The following SEC62 variants were observed in gnomAD, a reference collection of about 807,000 sequenced individuals.
SEC62 encodes the protein SEC62 preprotein translocation factor.
Under a neutral mutation model 47.5 loss-of-function variants are expected in SEC62, and 10 were observed. The observed-to-expected ratio is 0.21, with a 90% confidence interval of 0.13 to 0.36. The LOEUF is 0.36. Among genes scored for constraint, SEC62 ranks in the 10% least tolerant of loss-of-function variants. The probability of loss-of-function intolerance (pLI) is 1.00; values close to 1 mark genes in which losing one functional copy is unlikely to be tolerated. For synonymous variants in SEC62, 136 were observed against 150.5 expected, an observed-to-expected ratio of 0.90 and a Z score of 0.71; for missense variants, 327 against 464.1, an observed-to-expected ratio of 0.70 and a Z score of 2.71.
chr3:169,982,182 C>A (rs1006573659), intron 3 of SEC62, among the ~76,000 whole-genome samples: 6 of 152,086 alleles, frequency 3.9e-5, no homozygotes, highest in Non-Finnish European at 4.4e-5. Context: ...TATATTTAAT[C>A]ATTGCTTAAT....
At chr3:169,985,694 G>A (rs924335982) in intron 5 of SEC62, 111 bp from the exon 6 acceptor site, 7 of 653,794 alleles carry the variant, frequency 1.1e-5, no homozygotes, top group South Asian at 2.7e-5. Context: ...ATTACTTCTC[G>A]TATGTTAAGA....
intron 7 of SEC62, among the ~76,000 whole-genome samples, chr3:169,991,327 TGAGA>T (rs1473739528): frequency 6.6e-6 from 1 of 151,892 alleles, no homozygotes; most frequent in South Asian, 2.1e-4. Flanking sequence ...GAGGCTGAGG[TGAGA>T]GGATCACATA....
chr3:169,986,755 C>G (rs995017769), intron 6 of SEC62, among the ~76,000 whole-genome samples: 2 of 152,096 alleles, frequency 1.3e-5, no homozygotes, highest in Non-Finnish European at 2.9e-5. Context: ...GTGACAGGGT[C>G]TCATTCCTGT....
At chr3:169,968,553 G>A (rs1422687454) in intron 1 of SEC62, 1 of 149,858 alleles carries the variant, frequency 6.7e-6, no homozygotes, top group East Asian at 1.9e-4. Flanking sequence ...AAAAAAGCAA[G>A]AAAAAAGAAA....
chr3:169,983,617 GA>G (rs1490818501), intron 5 of SEC62: 1 of 158,004 alleles, frequency 6.3e-6, no homozygotes, highest in African/African-American at 2.4e-5. Context: ...GGTCCAGAAT[GA>G]CTGCCAATCT....
chr3:169,988,149 A>G (rs1253087912), intron 6 of SEC62, 91 bp from the exon 7 acceptor site: 2 of 1,427,194 alleles, frequency 1.4e-6, no homozygotes, highest in East Asian at 4.6e-5. Flanking sequence ...TATGTTTCTC[A>G]GTTTTTCCCC....
In SEC62 at chr3:169,991,445, T is replaced by C. The variant is rs192166189; in HGVS notation, c.731-1149T>C. 1.0e-3 allele frequency among the ~76,000 whole-genome samples: 158 copies of C among 151,854 alleles called. 1 individual carries two copies. The highest frequency in any genetic ancestry group is 3.7e-3 in the African/African-American group (152 of 41,382). Reference sequence around the variant, plus strand: ...GGAGGATAGATAGAGAGAGAGAGATTAGATAAATAAATGATAGATATAGAC... The same window carrying C: ...GGAGGATAGATAGAGAGAGAGAGATCAGATAAATAAATGATAGATATAGAC... On this transcript the variant is annotated intron_variant, in intron 7 of 7. Transcript: ENST00000337002.
At position 169,988,265 on chromosome 3, in the gene SEC62, C is replaced by T. The variant is rs372368677; in HGVS notation, c.636C>T (p.Leu212=). The T allele has an allele frequency of 1.4e-4, 224 of 1,613,924 alleles. No individual in the cohort carries two copies. The highest frequency in any genetic ancestry group is 6.6e-4 in the Middle Eastern group (4 of 6,060). ...TGATTGCAGTAATAGCGGCCACCCTCTTCCCCCTTTGGCCAGCAGAAATGA... is the reference window on the plus strand; with the variant it reads ...TGATTGCAGTAATAGCGGCCACCCTTTTCCCCCTTTGGCCAGCAGAAATGA... The part of the protein sequence containing the change: ...ILVIAVIAAT[L]FPLWPAEMRV... Residue 212 remains leucine (L), a synonymous_variant, in exon 7 of 8, where the codon CTC becomes CTT. Coordinates refer to ENST00000337002, the MANE Select transcript of SEC62 (RefSeq NM_003262.4).
Position 169,993,044 on chromosome 3 carries a change from C to T in SEC62, c.1181C>T (p.Ser394Phe), listed in dbSNP as rs1281707029. 1.2e-6 allele frequency: 2 copies of T among 1,601,912 alleles called. No individual in the cohort carries two copies. The highest frequency in any genetic ancestry group is 1.7e-6 in the Non-Finnish European group (2 of 1,174,862). Residue 394 changes from serine (S) to phenylalanine (F), a missense_variant, in exon 8 of 8, where the codon TCT (serine) becomes TTT (phenylalanine). Ser to Phe is a radical substitution (Grantham distance 155). Around this residue, in one of 3 missense-constraint regions of SEC62, gnomAD observed 102 missense variants for 108.8 expected, o/e 0.94. Coordinates refer to ENST00000337002, the MANE Select transcript of SEC62 (RefSeq NM_003262.4). The stretch of plus-strand genomic sequence containing the variant: ...GAAAATGATGGAGAAACACCTAAAT[C>T]TTCACATGAAAAATCATAATCTGAC... ...EEENDGETPK[S>F]SHEKS
chr3:169,971,507 G>A (rs1358095936), intron 1 of SEC62, among the ~76,000 whole-genome samples: 2 of 152,180 alleles, frequency 1.3e-5, no homozygotes, highest in African/African-American at 4.8e-5. Context: ...AATACTTTAA[G>A]AAAGTATCAG....
chr3:169,968,605 T>C (rs988113354), intron 1 of SEC62: 2 of 152,196 alleles, frequency 1.3e-5, no homozygotes, highest in East Asian at 1.9e-4. Flanking sequence ...AGTCAACTTA[T>C]TTATTAAAAG....
rs114198831 is a variant in SEC62 at position 169,972,385 on chromosome 3, A to G, written c.37-3223A>G. 5.7e-3 allele frequency among the ~76,000 whole-genome samples: 868 copies of G among 152,072 alleles called. 8 individuals are homozygous for G. Among genetic ancestry groups the G allele is most frequent in the African/African-American group, 0.02 (831 of 41,472 alleles). On this transcript the variant is annotated intron_variant, in intron 1 of 7. Coordinates refer to ENST00000337002, the MANE Select transcript of SEC62 (RefSeq NM_003262.4). ...AAAACTTGTTCATCTTTCAAACTTT[A>G]TCTTCCTCTTCCAGTGTTCCCATCC...
At chr3:169,979,143 A>G (rs2108283168) in intron 3 of SEC62, among the ~76,000 whole-genome samples, 1 of 152,300 alleles carries the variant, frequency 6.6e-6, no homozygotes, top group African/African-American at 2.4e-5. Context: ...CGCTCTTCCC[A>G]CTGATGTCAG....
chr3:169,981,781 G>A (rs891542452), intron 3 of SEC62, among the ~76,000 whole-genome samples: 5 of 152,154 alleles, frequency 3.3e-5, no homozygotes, highest in East Asian at 1.9e-4. Context: ...GAAGTTTACC[G>A]TCTAGTGAAG....
intron 3 of SEC62, among the ~76,000 whole-genome samples, chr3:169,977,862 G>A (rs1714874524): frequency 6.6e-6 from 1 of 152,096 alleles, no homozygotes; most frequent in Admixed American, 6.5e-5. Flanking sequence ...AGCCACATAA[G>A]AACCCTCTTA....
chr3:169,992,375 C>T lies in SEC62; in HGVS notation c.731-219C>T, dbSNP rs1715268123. 6.6e-6 allele frequency among the ~76,000 whole-genome samples: 1 copy of T among 152,088 alleles called. No homozygotes were observed. The highest frequency in any genetic ancestry group is 1.5e-5 in the Non-Finnish European group (1 of 68,032). The stretch of plus-strand genomic sequence containing the variant: ...GGCATGCAGTGGTGTAATTATAGCT[C>T]ACTGCAGCCTCGAGCTCCTGGGCTC... On this transcript the variant is annotated intron_variant, in intron 7 of 7. Coordinates refer to ENST00000337002, the MANE Select transcript of SEC62 (RefSeq NM_003262.4). The surrounding 1 kb of genome is among the most constrained non-coding windows in gnomAD (Gnocchi z 4.0).
At chr3:169,974,017 T>G (rs1206790160) in intron 1 of SEC62, among the ~76,000 whole-genome samples, 2 of 152,270 alleles carry the variant, frequency 1.3e-5, no homozygotes, top group African/African-American at 4.8e-5. Context: ...GTTTGTTGGT[T>G]GTTCTTTATT....
intron 1 of SEC62, among the ~76,000 whole-genome samples, chr3:169,970,008 A>AT (rs1190999166): frequency 1.3e-5 from 2 of 152,192 alleles, no homozygotes; most frequent in African/African-American, 2.4e-5. Context: ...AAAAGAGAAA[A>AT]TTTGGGACTA....
chr3:169,967,535 T>C (rs761318116), intron 1 of SEC62, among the ~76,000 whole-genome samples: 3 of 152,230 alleles, frequency 2.0e-5, no homozygotes, highest in Non-Finnish European at 4.4e-5. Flanking sequence ...TGCAACGAGC[T>C]GGTGGAGCCC....
Sources: gnomAD v4.1 joint callset for allele counts (sites outside exome capture counted in the v4.1 genomes callset) on GRCh38, gnomAD v4.1.1 for gene constraint, gnomAD v4.1.1 regional missense constraint, Gnocchi (gnomAD v3.1) non-coding constraint, MANE v1.5 for transcripts, NCBI Gene and HGNC (gene_info 2026-07-23, HGNC 2026-07-21) for gene names.